The following KCNH7 variants were observed in gnomAD, a reference collection of about 807,000 sequenced individuals.
The protein encoded by KCNH7 is voltage-gated inwardly rectifying potassium channel KCNH7.
A neutral mutation model predicts 120.8 loss-of-function variants in KCNH7; 49 were observed. The observed-to-expected ratio is 0.41, with a 90% CI of 0.32 to 0.51. KCNH7 has a LOEUF of 0.51. Ranked by LOEUF, KCNH7 falls within the 20% of genes least tolerant of loss-of-function variation. KCNH7 has a pLI of 0.38. For missense variants in KCNH7, 1,097 were observed against 1,446.6 expected (o/e 0.76, Z 3.92); for synonymous variants, 547 against 516.1 (o/e 1.06, Z -0.81).
intron 8 of KCNH7, among the ~76,000 whole-genome samples, chr2:162,425,197 G>A (rs989863118): frequency 6.6e-6 from 1 of 152,014 alleles, no homozygotes; most frequent in African/African-American, 2.4e-5. Flanking sequence ...CAGTTACTGA[G>A]TACAGATCTT....
rs1010731324 is a variant in KCNH7, at chr2:162,568,244, G to T, written c.308-31164C>A. 3.9e-5 allele frequency among the ~76,000 whole-genome samples: 6 copies of T among 152,078 alleles called. No homozygotes were observed. The South Asian group carries it at 6.2e-4, about 16-fold the overall frequency. On this transcript the variant is annotated intron_variant, in intron 2 of 15. Transcript: ENST00000332142. ...CCATGATTCAATTAGCTCCCCCAGG[G>T]TCCCTCCCTTGACACATAGAGATTA...
At chr2:162,386,577 A>G (rs929563083) in intron 12 of KCNH7, among the ~76,000 whole-genome samples, 7 of 151,776 alleles carry the variant, frequency 4.6e-5, no homozygotes, top group Non-Finnish European at 8.8e-5. Context: ...TATTTGAATC[A>G]GCTCAGGCCT....
chr2:162,781,545 T>G (rs1057359789), intron 2 of KCNH7, among the ~76,000 whole-genome samples: 1 of 151,956 alleles, frequency 6.6e-6, no homozygotes, highest in African/African-American at 2.4e-5. Context: ...AAAAATTAGA[T>G]TGAAAGTTGA....
chr2:162,547,610 T>C (rs368951013), intron 2 of KCNH7, among the ~76,000 whole-genome samples: 12 of 152,110 alleles, frequency 7.9e-5, no homozygotes, highest in South Asian at 6.2e-4. Flanking sequence ...TTTATAGAAG[T>C]GGAACTTGAG....
intron 4 of KCNH7, among the ~76,000 whole-genome samples, chr2:162,513,392 TCC>T (rs1691169260): frequency 7.1e-6 from 1 of 141,838 alleles, no homozygotes; most frequent in Non-Finnish European, 1.5e-5. Flanking sequence ...CTTCTCTCCT[TCC>T]CTCCTTCCTT....
At chr2:162,463,057 T>C (rs1477175521) in intron 6 of KCNH7, among the ~76,000 whole-genome samples, 1 of 151,996 alleles carries the variant, frequency 6.6e-6, no homozygotes, top group African/African-American at 2.4e-5. Context: ...CCAGGTCTGA[T>C]GGTTAAATCA....
intron 9 of KCNH7, among the ~76,000 whole-genome samples, chr2:162,407,457 A>G (rs1687262194): frequency 6.6e-6 from 1 of 152,026 alleles, no homozygotes; most frequent in African/African-American, 2.4e-5. Context: ...AGGGCCAAGG[A>G]TGGGTAGAAG....
At chr2:162,703,106 G>T (rs916842564) in intron 2 of KCNH7, among the ~76,000 whole-genome samples, 2 of 152,106 alleles carry the variant, frequency 1.3e-5, no homozygotes, top group Non-Finnish European at 2.9e-5. Flanking sequence ...ACATTTAAAA[G>T]AATGAGTAGT....
At chr2:162,434,350 AC>A (rs1157519320) in intron 8 of KCNH7, among the ~76,000 whole-genome samples, 1 of 152,084 alleles carries the variant, frequency 6.6e-6, no homozygotes, top group East Asian at 1.9e-4. Context: ...TACCCATGTA[AC>A]AAACCTGTGC....
At chr2:162,730,783 T>G (rs1169535100) in intron 2 of KCNH7, among the ~76,000 whole-genome samples, 1 of 151,966 alleles carries the variant, frequency 6.6e-6, no homozygotes, top group East Asian at 1.9e-4. Context: ...GAAAATATGT[T>G]CCAGTGTCAT....
chr2:162,828,882 A>T (rs1219295565), intron 2 of KCNH7, among the ~76,000 whole-genome samples: 2 of 152,184 alleles, frequency 1.3e-5, no homozygotes, highest in Non-Finnish European at 2.9e-5. Context: ...TTTTCTGAGT[A>T]AAAAGTAGTG....
Position 162,504,467 on chromosome 2 carries a change from G to T in KCNH7, c.1104C>A (p.His368Gln), listed in dbSNP as rs756749943. 1.1e-5 allele frequency: 17 copies of T among 1,612,428 alleles called. No individual in the cohort carries two copies. In the South Asian group the frequency reaches 1.6e-4, roughly 16 times the overall value. The change falls in exon 6 of 16, where the codon CAC (histidine) becomes CAA (glutamine). Residue 368 changes from histidine to glutamine, a missense_variant. This residue lies in a region of KCNH7 where 362 missense variants were observed against 372.2 expected (regional missense o/e 0.97). Coordinates refer to ENST00000332142, the MANE Select transcript of KCNH7 (RefSeq NM_033272.4). ...IIAPKVKDRTHNVTEKVTQVL... is the reference protein window; with the variant it reads ...IIAPKVKDRTQNVTEKVTQVL... ...CCTGGGTCACTTTCTCAGTCACATT[G>T]TGTGTTCGATCTTTAACCTTGGGTG... is the stretch of plus-strand genomic sequence containing the variant.
At chr2:162,797,011 G>A (rs1326476012) in intron 2 of KCNH7, 3 of 152,000 alleles carry the variant, frequency 2.0e-5, no homozygotes, top group Admixed American at 1.3e-4. Flanking sequence ...TAAGATGCAG[G>A]TCCATCTAGA....
At chr2:162,520,529 G>A (rs537793423) in intron 3 of KCNH7, among the ~76,000 whole-genome samples, 1 of 151,834 alleles carries the variant, frequency 6.6e-6, no homozygotes, top group South Asian at 2.1e-4. Context: ...TGAAGAAAAG[G>A]CATAATGATC....
rs140955289 is a variant in KCNH7 at position 162,459,962 on chromosome 2, C to T, written c.1129-13519G>A. On this transcript the variant is annotated intron_variant, in intron 6 of 15. Coordinates refer to ENST00000332142, the MANE Select transcript of KCNH7 (RefSeq NM_033272.4). The stretch of plus-strand genomic sequence containing the variant: ...TACAAAAATTAGCTGGGCGTGGTGG[C>T]GCATGCCTGTAGTCCCAGCTACTTG... Among the ~76,000 whole-genome samples, 765 of 151,888 alleles carry T rather than the reference C, an allele frequency of 5.0e-3. 4 individuals are homozygous for T. The highest frequency in any genetic ancestry group is 0.014 in the Middle Eastern group (4 of 294).
At position 162,374,419 on chromosome 2, in the gene KCNH7, G is replaced by T. The variant is rs576326720; in HGVS notation, c.3132-757C>A. Among the ~76,000 whole-genome samples the T allele has an allele frequency of 7.2e-5, 11 of 152,230 alleles. No individual in the cohort carries two copies. The South Asian group carries it at 2.1e-3, about 29-fold the overall frequency. ...GAAAATAGCAAAATATAATTGGTCAGATTCCCCTCCTTTGCATGTGTTAAC... is the reference window on the plus strand; with the variant it reads ...GAAAATAGCAAAATATAATTGGTCATATTCCCCTCCTTTGCATGTGTTAAC... On this transcript the variant is annotated intron_variant, in intron 14 of 15. Transcript: ENST00000332142.
At chr2:162,503,884 G>GAC (rs1690773837) in intron 6 of KCNH7, among the ~76,000 whole-genome samples, 1 of 152,028 alleles carries the variant, frequency 6.6e-6, no homozygotes, top group Admixed American at 6.6e-5. Flanking sequence ...CAGTATACCT[G>GAC]CTAGCTTTTC....
chr2:162,602,695 T>C (rs1333603219), intron 2 of KCNH7, among the ~76,000 whole-genome samples: 1 of 152,134 alleles, frequency 6.6e-6, no homozygotes, highest in African/African-American at 2.4e-5. Flanking sequence ...TCCATTTTTT[T>C]CTGAAGTTTT....
intron 2 of KCNH7, among the ~76,000 whole-genome samples, chr2:162,816,030 G>A (rs940162143): frequency 3.3e-5 from 5 of 151,964 alleles, no homozygotes; most frequent in African/African-American, 7.2e-5. Flanking sequence ...AGGCCAAGGC[G>A]GGCAGATCAC....
Sources: gnomAD v4.1 joint callset for allele counts (sites outside exome capture counted in the v4.1 genomes callset) on GRCh38, gnomAD v4.1.1 for gene constraint, gnomAD v4.1.1 regional missense constraint, MANE v1.5 for transcripts, NCBI Gene and HGNC (gene_info 2026-07-23, HGNC 2026-07-21) for gene names.